Variants in TUBB6 observed in about 807,000 individuals in gnomAD.
TUBB6 encodes tubulin beta 6 class V, also known as tubulin beta-6 chain.
Under a neutral mutation model 32.3 loss-of-function variants are expected in TUBB6, and 18 were observed. The observed-to-expected ratio is 0.56, with a 90% CI of 0.39 to 0.83. The LOEUF is 0.83. Among genes scored for constraint, TUBB6 ranks in the 40% least tolerant of loss-of-function variants. TUBB6 has a pLI of 0.00. For missense variants in TUBB6, 480 were observed against 632.0 expected (o/e 0.76, Z 2.58); for synonymous variants, 280 against 265.8 (o/e 1.05, Z -0.52).
At position 12,325,080 on chromosome 18, in the gene TUBB6, AG is replaced by A. The variant is rs1433263252; in HGVS notation, c.294del (p.Asn99ThrfsTer66). On this transcript the variant is annotated frameshift_variant, in exon 4 of 4. Transcript: ENST00000317702. LOFTEE classifies it high-confidence loss of function. ...DNFIFGQTGAGNNWAKGHYTE... is the reference protein window; with the variant it reads ...DNFIFGQTGAXNNWAKGHYTE... ...TCTTTGTTGCAGGCCAGACGGGTGC[AG>A]GGAACAACTGGGCGAAAGGGCACTA... is the stretch of plus-strand genomic sequence containing the variant. 2 of 1,573,126 alleles carry A rather than the reference AG, an allele frequency of 1.3e-6. No individual in the cohort carries two copies. Among genetic ancestry groups the A allele is most frequent in the Non-Finnish European group, 1.7e-6 (2 of 1,156,292 alleles).
In TUBB6 at chr18:12,310,954, G is replaced by A; in HGVS notation, c.178G>A (p.Val60Met). Reference sequence around the variant, plus strand: ...CTTTTCTCCTCCAGCTCAGAAATATGTGCCCAGGGCCGCCCTGGTGGACTT... The same window carrying A: ...CTTTTCTCCTCCAGCTCAGAAATATATGCCCAGGGCCGCCCTGGTGGACTT... ...YYNESSSQKY[V>M]PRAALVDLEP... The change falls in exon 3 of 4, where the codon GTG becomes ATG. Residue 60 changes from valine (V) to methionine (M), a missense_variant. Transcript: ENST00000317702. 1.2e-6 allele frequency: 2 copies of A among 1,607,624 alleles called. No individual in the cohort carries two copies. Among genetic ancestry groups the A allele is most frequent in the South Asian group, 1.1e-5 (1 of 90,292 alleles).
chr18:12,325,561 G>C lies in TUBB6; in HGVS notation c.772G>C (p.Val258Leu). Residue 258 changes from valine (V) to leucine (L), a missense_variant, in exon 4 of 4, where the codon GTG becomes CTG. Val to Leu is a conservative substitution (Grantham distance 32). Coordinates refer to ENST00000317702, the MANE Select transcript of TUBB6 (RefSeq NM_032525.3). ...CCTGCGCAAGCTGGCGGTGAACATG[G>C]TGCCCTTCCCGCGCCTGCACTTCTT... is the stretch of plus-strand genomic sequence containing the variant. ...ADLRKLAVNM[V>L]PFPRLHFFMP... 6.2e-7 allele frequency: 1 copy of C among 1,614,130 alleles called. No individual in the cohort carries two copies.
downstream of TUBB6, among the ~76,000 whole-genome samples, chr18:12,327,399 C>G (rs1907374362): frequency 6.6e-6 from 1 of 152,242 alleles, no homozygotes; most frequent in Admixed American, 6.5e-5. Flanking sequence ...CAACACCACC[C>G]TTGGTCTGTG....
At position 12,308,297 on chromosome 18, in the gene TUBB6, G is replaced by T. The variant is rs1309179318; in HGVS notation, c.5G>T (p.Arg2Met). 1 of 1,477,366 alleles carries T rather than the reference G, an allele frequency of 6.8e-7. No individual in the cohort carries two copies. The allele number at this position is 1,477,366 out of a possible 1,614,324, so 91.5% of individuals were successfully genotyped here. Reference sequence around the variant, plus strand: ...TAGCGCAGAGCCGCGCCCGCCATGAGGGAGATCGTGCACATCCAGGCGGGC... The same window carrying T: ...TAGCGCAGAGCCGCGCCCGCCATGATGGAGATCGTGCACATCCAGGCGGGC... M[R>M]EIVHIQAGQC... Residue 2 changes from arginine (R) to methionine (M), a missense_variant, in exon 1 of 4, where the codon AGG (arginine) becomes ATG (methionine). Coordinates refer to ENST00000317702, the MANE Select transcript of TUBB6 (RefSeq NM_032525.3).
In TUBB6 at chr18:12,319,090, G is replaced by A. The variant is rs566194835; in HGVS notation, c.278-5977G>A. ...TTATTCCCTAGGGGGATAACCGAGT[G>A]TGTAGACAGTTGTGCTGTGTCCTGC... On this transcript the variant is annotated intron_variant, in intron 3 of 3. Transcript: ENST00000317702. Among the ~76,000 whole-genome samples the A allele has an allele frequency of 1.0e-3, 153 of 151,206 alleles. 1 individual carries two copies. The highest frequency in any genetic ancestry group is 3.2e-3 in the African/African-American group (133 of 41,168).
At chr18:12,318,136 G>C (rs1381044575) in intron 3 of TUBB6, among the ~76,000 whole-genome samples, 1 of 151,938 alleles carries the variant, frequency 6.6e-6, no homozygotes, top group African/African-American at 2.4e-5. Context: ...AGGCTATTTT[G>C]ACAGCTGCCC....
chr18:12,311,157 T>C (rs573201315), intron 3 of TUBB6, 104 bp downstream of exon 3: 21 of 980,646 alleles, frequency 2.1e-5, no homozygotes, highest in Middle Eastern at 2.9e-4. Context: ...AAAGTGTGAA[T>C]GGAAATCAGT....
downstream of TUBB6, chr18:12,329,057 T>G (rs1907424400): frequency 5.8e-6 from 4 of 690,790 alleles, no homozygotes; most frequent in East Asian, 1.1e-4. Flanking sequence ...ACCATTCCAT[T>G]AAGACAGCAA....
At position 12,308,255 on chromosome 18, in the gene TUBB6, T is replaced by G. The variant is rs1417190547; in HGVS notation, c.-38T>G. 2.2e-6 allele frequency: 3 copies of G among 1,386,870 alleles called. No homozygotes were observed. The highest frequency in any genetic ancestry group is 1.9e-6 in the Non-Finnish European group (2 of 1,062,068). 85.9% of individuals were successfully genotyped at this position (1,386,870 alleles called of 1,614,324 possible). On this transcript the variant is annotated 5_prime_UTR_variant, in exon 1 of 4. Transcript: ENST00000317702. The stretch of plus-strand genomic sequence containing the variant: ...AGCCGGCCCGCAGTTGCCGCTGTCG[T>G]CCGCAGAGCCAGTTCCTAGCGCAGA...
downstream of TUBB6, chr18:12,329,432 TC>T: frequency 1.0e-6 from 1 of 974,106 alleles, no homozygotes; most frequent in Non-Finnish European, 1.6e-6. Flanking sequence ...AGGACTCCTT[TC>T]CCCATCATTT....
At position 12,326,289 on chromosome 18, in the gene TUBB6, C is replaced by A; in HGVS notation, c.*159C>A. The A allele has an allele frequency of 8.8e-7, 1 of 1,134,064 alleles. No homozygotes were observed. Among genetic ancestry groups the A allele is most frequent in the Non-Finnish European group, 1.2e-6 (1 of 826,722 alleles). 70.3% of individuals were successfully genotyped at this position (1,134,064 alleles called of 1,614,324 possible). ...AAGTCATGTAATTAGTCATCTGGAA[C>A]AAAGACTAAAAACAGCAGAGAATTG... On this transcript the variant is annotated 3_prime_UTR_variant, in exon 4 of 4. Coordinates refer to ENST00000317702, the MANE Select transcript of TUBB6 (RefSeq NM_032525.3).
chr18:12,308,083 GT>G (rs1157485469), upstream of TUBB6: 2 of 160,108 alleles, frequency 1.2e-5, no homozygotes, highest in Non-Finnish European at 2.7e-5. Context: ...CCCGGCAAGG[GT>G]CCCCCGACTG....
downstream of TUBB6, chr18:12,329,492 T>C: frequency 3.4e-6 from 5 of 1,486,302 alleles, no homozygotes; most frequent in Non-Finnish European, 4.7e-6. Flanking sequence ...CCCATTCTTC[T>C]GAAAGCCACA....
rs1314129489 is a variant in TUBB6 at position 12,326,384 on chromosome 18, G to A, written c.*254G>A. The A allele has an allele frequency of 1.8e-5, 9 of 490,784 alleles. No individual in the cohort carries two copies. The highest frequency in any genetic ancestry group is 1.8e-5 in the Non-Finnish European group (5 of 285,032). 30.4% of individuals were successfully genotyped at this position (490,784 alleles called of 1,614,324 possible). On this transcript the variant is annotated 3_prime_UTR_variant, in exon 4 of 4. Coordinates refer to ENST00000317702, the MANE Select transcript of TUBB6 (RefSeq NM_032525.3). ...TAGAGGACTTGAAAGAGAACTGAGGGGCCACAAAATAAACTTCACCTTCCA... is the reference window on the plus strand; with the variant it reads ...TAGAGGACTTGAAAGAGAACTGAGGAGCCACAAAATAAACTTCACCTTCCA...
chr18:12,320,933 A>C (rs1180114414), intron 3 of TUBB6, among the ~76,000 whole-genome samples: 2 of 152,214 alleles, frequency 1.3e-5, no homozygotes. Flanking sequence ...TATCTCCAGT[A>C]GCTCCCGTGG....
chr18:12,311,006 G>A lies in TUBB6; in HGVS notation c.230G>A (p.Arg77Gln), dbSNP rs571214765. Reference protein sequence around the residue: ...DLEPGTMDSVRSGPFGQLFRP... With the variant: ...DLEPGTMDSVQSGPFGQLFRP... The stretch of plus-strand genomic sequence containing the variant: ...GAGCCAGGCACCATGGACAGCGTGC[G>A]GTCTGGGCCTTTTGGGCAGCTTTTC... Residue 77 changes from arginine (R) to glutamine (Q), a missense_variant, in exon 3 of 4, where the codon CGG becomes CAG. Transcript: ENST00000317702. 35 of 1,613,736 alleles carry A rather than the reference G, an allele frequency of 2.2e-5. No homozygotes were observed. The highest frequency in any genetic ancestry group is 1.3e-4 in the East Asian group (6 of 44,842).
downstream of TUBB6, chr18:12,329,460 TGGC>T: frequency 8.2e-7 from 1 of 1,226,472 alleles, no homozygotes; most frequent in Non-Finnish European, 1.2e-6. Flanking sequence ...GGCCAGTGGC[TGGC>T]TAAAATCAGC....
chr18:12,323,002 A>T (rs1907067878), intron 3 of TUBB6, among the ~76,000 whole-genome samples: 1 of 152,184 alleles, frequency 6.6e-6, no homozygotes, highest in Admixed American at 6.6e-5. Context: ...ACTTATGAAA[A>T]ATAATAGATG....
downstream of TUBB6, among the ~76,000 whole-genome samples, chr18:12,328,032 C>G (rs896663875): frequency 6.6e-6 from 1 of 152,214 alleles, no homozygotes; most frequent in African/African-American, 2.4e-5. Context: ...CAAAAACACC[C>G]TATGAGGAAA....
Sources: gnomAD v4.1 joint callset for allele counts (sites outside exome capture counted in the v4.1 genomes callset) on GRCh38, gnomAD v4.1.1 for gene constraint, MANE v1.5 for transcripts, NCBI Gene and HGNC (gene_info 2026-07-23, HGNC 2026-07-21) for gene names.